PTPN13: variants seen among roughly 807,000 people sequenced by gnomAD.
PTPN13 encodes the protein tyrosine-protein phosphatase non-receptor type 13.
Under a neutral mutation model 284.0 loss-of-function variants are expected in PTPN13, and 191 were observed. The observed-to-expected ratio is 0.67, with a 90% CI of 0.60 to 0.76. The LOEUF (loss-of-function observed/expected upper bound fraction) is 0.76, where lower values mean the gene tolerates loss of function less well. Ranked by LOEUF, PTPN13 falls within the 30% of genes least tolerant of loss-of-function variation. PTPN13 has a pLI of 0.00. For synonymous variants in PTPN13, 986 were observed against 1,022.3 expected (o/e 0.96, Z 0.68); for missense variants, 2,797 against 2,939.9 (o/e 0.95, Z 1.12).
chr4:86,630,071 T>C (rs1317528359), intron 1 of PTPN13, among the ~76,000 whole-genome samples: 1 of 152,172 alleles, frequency 6.6e-6, no homozygotes, highest in African/African-American at 2.4e-5. Flanking sequence ...TGGCCATAGT[T>C]CTTAAGCTTT....
rs998211442 is a variant in PTPN13, at chr4:86,726,446, C to T, written c.1608+4012C>T. Among the ~76,000 whole-genome samples the T allele has an allele frequency of 1.1e-4, 16 of 149,178 alleles. 1 individual carries two copies. Among genetic ancestry groups the T allele is most frequent in the African/African-American group, 3.4e-4 (14 of 40,896 alleles). ...TTTCATGATATTGATTCCTCCTATC[C>T]GTGAGCATGGAATTTTCTTCCATTT... is the stretch of plus-strand genomic sequence containing the variant. On this transcript the variant is annotated intron_variant, in intron 10 of 47. Transcript: ENST00000411767.
chr4:86,598,691 C>A (rs1014939773), intron 1 of PTPN13, among the ~76,000 whole-genome samples: 1 of 151,938 alleles, frequency 6.6e-6, no homozygotes, highest in African/African-American at 2.4e-5. Context: ...TAAACAGTTT[C>A]TTTTTTTTCC....
At position 86,732,553 on chromosome 4, in the gene PTPN13, G is replaced by T. The variant is rs150139658; in HGVS notation, c.1684-39G>T. 2.4e-4 allele frequency: 382 copies of T among 1,597,340 alleles called. 2 individuals carry two copies. In the African/African-American group the frequency reaches 4.2e-3, roughly 18 times the overall value. ...AAAAACCAGTTAAAATTCTTATAAT[G>T]CTTATTTTAATAAATGCCGTTTATT... On this transcript the variant is annotated intron_variant, in intron 11 of 47. Coordinates refer to ENST00000411767, the MANE Select transcript of PTPN13 (RefSeq NM_080683.3).
intron 1 of PTPN13, among the ~76,000 whole-genome samples, chr4:86,608,509 A>G (rs1764990660): frequency 6.6e-6 from 1 of 152,118 alleles, no homozygotes; most frequent in African/African-American, 2.4e-5. Context: ...AGGTAATTAT[A>G]ATGATAGTAC....
Position 86,607,824 on chromosome 4 carries a change from C to G in PTPN13, c.-6+13035C>G, listed in dbSNP as rs201699362. ...TTAGCTTTTCTTTTTTCAAGGTCTT[C>G]CTCTACTAACTTGTCACTTTTGGGC... On this transcript the variant is annotated intron_variant, in intron 1 of 47. Transcript: ENST00000411767. Among the ~76,000 whole-genome samples, 7 of 152,084 alleles carry G rather than the reference C, an allele frequency of 4.6e-5. No individual in the cohort carries two copies. The East Asian group carries it at 1.4e-3, about 29-fold the overall frequency.
At position 86,686,627 on chromosome 4, in the gene PTPN13, C is replaced by A. The variant is rs538251247; in HGVS notation, c.295-83C>A. On this transcript the variant is annotated intron_variant, in intron 3 of 47. Transcript: ENST00000411767. ...ATTGTGTATTATATTTTCTTTGGAACAAAATAATCTGTTTTTATAGCACTT... is the reference window on the plus strand; with the variant it reads ...ATTGTGTATTATATTTTCTTTGGAAAAAAATAATCTGTTTTTATAGCACTT... 6 of 904,432 alleles carry A rather than the reference C, an allele frequency of 6.6e-6. No homozygotes were observed. The South Asian group carries it at 9.6e-5, about 14-fold the overall frequency. The allele number at this position is 904,432 out of a possible 1,614,324, so 56.0% of individuals were successfully genotyped here. A position where few individuals can be genotyped will look rare whatever the true frequency, so the allele number is the denominator to read the frequency against.
At chr4:86,634,577 C>G (rs1209560768) in intron 1 of PTPN13, among the ~76,000 whole-genome samples, 1 of 152,104 alleles carries the variant, frequency 6.6e-6, no homozygotes, top group Non-Finnish European at 1.5e-5. Flanking sequence ...ATAGCCACTT[C>G]CCTTGTCATA....
intron 2 of PTPN13, among the ~76,000 whole-genome samples, chr4:86,655,505 T>C (rs1255844278): frequency 6.6e-6 from 1 of 152,154 alleles, no homozygotes; most frequent in African/African-American, 2.4e-5. Flanking sequence ...TTATGAAGCT[T>C]AGTTTGGCTG....
chr4:86,768,544 T>C (rs1352157081), intron 28 of PTPN13, among the ~76,000 whole-genome samples: 1 of 152,170 alleles, frequency 6.6e-6, no homozygotes, highest in Non-Finnish European at 1.5e-5. Context: ...ATGATGGTGA[T>C]GGTGTACAGT....
chr4:86,772,552 TCAA>T (rs760959923), intron 31 of PTPN13, among the ~76,000 whole-genome samples: 4 of 151,960 alleles, frequency 2.6e-5, no homozygotes, highest in African/African-American at 4.8e-5. Flanking sequence ...AGACCGTGTC[TCAA>T]CAACAACAAC....
chr4:86,732,366 T>TA, intron 10 of PTPN13, 34 bp from the exon 11 acceptor site: 6 of 1,470,118 alleles, frequency 4.1e-6, no homozygotes, highest in African/African-American at 1.4e-5. Context: ...GAATAAATAG[T>TA]AAAAAATATT....
intron 1 of PTPN13, among the ~76,000 whole-genome samples, chr4:86,608,517 T>C (rs1004153834): frequency 6.6e-6 from 1 of 152,100 alleles, no homozygotes; most frequent in African/African-American, 2.4e-5. Context: ...ATAATGATAG[T>C]ACATGCTTAT....
chr4:86,628,410 T>C (rs955402826), intron 1 of PTPN13, among the ~76,000 whole-genome samples: 1 of 152,150 alleles, frequency 6.6e-6, no homozygotes, highest in African/African-American at 2.4e-5. Context: ...CTGGATTGTT[T>C]GGTTTTTTAA....
intron 2 of PTPN13, among the ~76,000 whole-genome samples, chr4:86,641,044 A>G (rs1723726481): frequency 6.6e-6 from 1 of 152,196 alleles, no homozygotes; most frequent in Non-Finnish European, 1.5e-5. Context: ...ATTTGATTTA[A>G]TTTGTCAGAA....
At chr4:86,728,884 A>T (rs1734629288) in intron 10 of PTPN13, among the ~76,000 whole-genome samples, 1 of 147,730 alleles carries the variant, frequency 6.8e-6, no homozygotes, top group Admixed American at 6.8e-5. Context: ...TCCTGTCATT[A>T]TGATGTTATC....
At position 86,717,016 on chromosome 4, in the gene PTPN13, A is replaced by G. The variant is rs758288813; in HGVS notation, c.1292-8A>G. The G allele has an allele frequency of 5.0e-6, 8 of 1,598,718 alleles. No individual in the cohort carries two copies. Among genetic ancestry groups the G allele is most frequent in the South Asian group, 3.3e-5 (3 of 90,030 alleles). On this transcript the variant is annotated splice_region_variant and splice_polypyrimidine_tract_variant and intron_variant, in intron 8 of 47. Transcript: ENST00000411767. The stretch of plus-strand genomic sequence containing the variant: ...CTGTGCCATTATTTCTTTTTCATTC[A>G]TAATTAGTGAGAAGAAGTGAAGCCT...
intron 7 of PTPN13, 86 bp from the exon 8 acceptor site, chr4:86,716,444 G>A: frequency 1.3e-6 from 1 of 792,314 alleles, no homozygotes; most frequent in South Asian, 1.8e-5. Context: ...AAATGTTTTA[G>A]TCCCACAGGA....
At chr4:86,780,867 G>A (rs13148078) in intron 36 of PTPN13, among the ~76,000 whole-genome samples, 15,250 of 152,152 alleles carry the variant, frequency 0.1, 889 homozygotes, top group Non-Finnish European at 0.11. Context: ...CAGAGCATAA[G>A]AGAAATAGTT....
In PTPN13 at chr4:86,681,861, G is replaced by A. The variant is rs552209526; in HGVS notation, c.295-4849G>A. Among the ~76,000 whole-genome samples, 403 of 152,006 alleles carry A rather than the reference G, an allele frequency of 2.7e-3. 2 individuals are homozygous for A. The highest frequency in any genetic ancestry group is 9.2e-3 in the African/African-American group (383 of 41,448). On this transcript the variant is annotated intron_variant, in intron 3 of 47. Coordinates refer to ENST00000411767, the MANE Select transcript of PTPN13 (RefSeq NM_080683.3). The stretch of plus-strand genomic sequence containing the variant: ...GGAGAATTGCTTGAACCCAGGAGGC[G>A]AAGGTTGCAGTGAGCTGAGATTGCA...
Sources: allele counts gnomAD v4.1 joint callset (sites outside exome capture counted in the v4.1 genomes callset), GRCh38; gene constraint gnomAD v4.1.1; transcripts MANE v1.5; gene names NCBI Gene and HGNC (gene_info 2026-07-23, HGNC 2026-07-21).